The following FGFRL1 variants were observed in gnomAD, a reference collection of about 807,000 sequenced individuals.
FGFRL1 encodes fibroblast growth factor receptor like 1.
A neutral mutation model predicts 36.8 loss-of-function variants in FGFRL1; 24 were observed. That is an observed-to-expected ratio of 0.65 (90% CI 0.47 to 0.92). The LOEUF is 0.92. FGFRL1 is among the 40% of genes least tolerant of loss of function. The pLI is 0.00. For synonymous variants in FGFRL1, 422 were observed against 344.1 expected (o/e 1.23, Z -2.50); for missense variants, 785 against 753.4 (o/e 1.04, Z -0.49).
chr4:1,012,364 G>A (rs1051679602), intron 1 of FGFRL1, 106 bp from the exon 2 acceptor site: 64 of 1,323,170 alleles, frequency 4.8e-5, no homozygotes, highest in Non-Finnish European at 6.4e-5. Flanking sequence ...GGGCGGGGAG[G>A]GCCTGTGGGG....
upstream of FGFRL1, among the ~76,000 whole-genome samples, chr4:1,010,713 T>G (rs1411863932): frequency 6.6e-6 from 1 of 151,924 alleles, no homozygotes; most frequent in Non-Finnish European, 1.5e-5. Context: ...ATGGGGCGGC[T>G]GGAGGTGCGG....
chr4:1,012,028 G>T (rs2153024682), intron 1 of FGFRL1, 74 bp downstream of exon 1: 1 of 146,982 alleles, frequency 6.8e-6, no homozygotes, highest in East Asian at 2.0e-4. Context: ...GGCGGGGGCG[G>T]GGAGGGGCGG....
chr4:1,016,994 C>T (rs56034896), intron 2 of FGFRL1, among the ~76,000 whole-genome samples: 73,675 of 151,912 alleles, frequency 0.48, 18,297 homozygotes, highest in Middle Eastern at 0.65. Context: ...TGTCTCTTCT[C>T]GGTAACCGGG....
chr4:1,012,392 G>A, intron 1 of FGFRL1, 78 bp from the exon 2 acceptor site: 1 of 1,533,644 alleles, frequency 6.5e-7, no homozygotes, highest in Non-Finnish European at 8.7e-7. Flanking sequence ...CCAGACCCCT[G>A]ATCCCCGCGG....
At chr4:1,014,131 A>G (rs1021509166) in intron 2 of FGFRL1, among the ~76,000 whole-genome samples, 2 of 152,236 alleles carry the variant, frequency 1.3e-5, no homozygotes, top group South Asian at 4.1e-4. Flanking sequence ...ACCAGCATGC[A>G]GAGGGCTTGG....
At chr4:1,022,992 C>A (rs1716280865) in intron 3 of FGFRL1, among the ~76,000 whole-genome samples, 1 of 151,748 alleles carries the variant, frequency 6.6e-6, no homozygotes, top group Admixed American at 6.6e-5. Context: ...GGTGGAGCTC[C>A]TGGGAGCTGG....
rs1466895913 is a variant in FGFRL1 at position 1,024,593 on chromosome 4, G to A, written c.1001G>A (p.Gly334Asp). 1.2e-6 allele frequency: 2 copies of A among 1,612,168 alleles called. No homozygotes were observed. The highest frequency in any genetic ancestry group is 1.7e-6 in the Non-Finnish European group (2 of 1,179,780). The change falls in exon 6 of 7, where the codon GGC (glycine) becomes GAC (aspartate). Residue 334 changes from glycine to aspartate, a missense_variant. Gly to Asp is a moderately conservative substitution (Grantham distance 94). Coordinates refer to ENST00000510644, the MANE Select transcript of FGFRL1 (RefSeq NM_001004356.3). ...LITRARQDDAGMYICLGANTM... is the reference protein window; with the variant it reads ...LITRARQDDADMYICLGANTM... ...ACCCGTGCCCGCCAGGACGATGCGG[G>A]CATGTACATCTGCCTTGGCGCCAAC...
In FGFRL1 at chr4:1,023,060, C is replaced by T. The variant is rs558727454; in HGVS notation, c.353-581C>T. 2.0e-5 allele frequency among the ~76,000 whole-genome samples: 3 copies of T among 151,986 alleles called. No individual in the cohort carries two copies. Among genetic ancestry groups the T allele is most frequent in the South Asian group, 2.1e-4 (1 of 4,818 alleles). On this transcript the variant is annotated intron_variant, in intron 3 of 6. Transcript: ENST00000510644. This position sits in a 1 kb window ranked among gnomAD's most constrained non-coding sequence, Gnocchi z 6.0. ...CTTTAAGTTTTAGGGTACATGTGCCCGTTTTCTGAATACAGGAGCCTGGCC... is the reference window on the plus strand; with the variant it reads ...CTTTAAGTTTTAGGGTACATGTGCCTGTTTTCTGAATACAGGAGCCTGGCC...
Position 1,023,188 on chromosome 4 carries a change from C to T in FGFRL1, c.353-453C>T, listed in dbSNP as rs961395426. On this transcript the variant is annotated intron_variant, in intron 3 of 6. Coordinates refer to ENST00000510644, the MANE Select transcript of FGFRL1 (RefSeq NM_001004356.3). This position sits in a 1 kb window ranked among gnomAD's most constrained non-coding sequence, Gnocchi z 6.0. ...TGGATGGAGGGGACATTCCACAGCA[C>T]GCCCTGCCCCTCGGCATTGTGTGGA... 5.9e-5 allele frequency among the ~76,000 whole-genome samples: 9 copies of T among 152,136 alleles called. No homozygotes were observed. The highest frequency in any genetic ancestry group is 5.2e-4 in the Admixed American group (8 of 15,282).
intron 6 of FGFRL1, 21 bp from the exon 7 acceptor site, chr4:1,024,884 C>G: frequency 1.3e-6 from 2 of 1,569,556 alleles, no homozygotes; most frequent in Non-Finnish European, 1.7e-6. Flanking sequence ...CTCCCTACCT[C>G]CTTTCCTCTC....
At chr4:1,018,740 G>A (rs565497290) in intron 2 of FGFRL1, among the ~76,000 whole-genome samples, 7 of 152,210 alleles carry the variant, frequency 4.6e-5, no homozygotes, top group South Asian at 2.1e-4. Flanking sequence ...CATAGGCTGC[G>A]TGGGTTGGAC....
intron 2 of FGFRL1, among the ~76,000 whole-genome samples, chr4:1,013,958 A>C (rs911281429): frequency 6.6e-6 from 1 of 152,252 alleles, no homozygotes; most frequent in African/African-American, 2.4e-5. Context: ...AGCTGGGATC[A>C]AGCTGCTTTC....
intron 5 of FGFRL1, 49 bp from the exon 6 acceptor site, chr4:1,024,262 A>G (rs768355541): frequency 2.6e-6 from 4 of 1,531,652 alleles, no homozygotes; most frequent in Non-Finnish European, 2.6e-6. Flanking sequence ...CTGGCGGGGT[A>G]GAGTCCGGCG....
chr4:1,022,735 G>C (rs897248705), intron 3 of FGFRL1, among the ~76,000 whole-genome samples: 18 of 152,224 alleles, frequency 1.2e-4, no homozygotes, highest in Non-Finnish European at 2.2e-4. Flanking sequence ...GGCGGGAGCC[G>C]AAGGCAGTGG....
chr4:1,016,155 G>A (rs1422762394), intron 2 of FGFRL1, among the ~76,000 whole-genome samples: 1 of 152,246 alleles, frequency 6.6e-6, no homozygotes, highest in African/African-American at 2.4e-5. Flanking sequence ...CCACCTGGGG[G>A]CCAAGAGCCC....
In FGFRL1 at chr4:1,023,496, C is replaced by A; in HGVS notation, c.353-145C>A. 1.3e-6 allele frequency: 1 copy of A among 752,516 alleles called. No homozygotes were observed. Among genetic ancestry groups the A allele is most frequent in the South Asian group, 1.7e-5 (1 of 60,190 alleles). The allele number at this position is 752,516 out of a possible 1,614,324, so 46.6% of individuals were successfully genotyped here. A position where few individuals can be genotyped will look rare whatever the true frequency, so the allele number is the denominator to read the frequency against. On this transcript the variant is annotated intron_variant, in intron 3 of 6. Coordinates refer to ENST00000510644, the MANE Select transcript of FGFRL1 (RefSeq NM_001004356.3). This position sits in a 1 kb window ranked among gnomAD's most constrained non-coding sequence, Gnocchi z 6.0. Reference sequence around the variant, plus strand: ...GCCCAGCTGTCCCTGGGATTCTGGGCTGTGGGTGTGTGGCGCAGCCCCCTG... The same window carrying A: ...GCCCAGCTGTCCCTGGGATTCTGGGATGTGGGTGTGTGGCGCAGCCCCCTG...
rs762050692 is a variant in FGFRL1, at chr4:1,025,371, A to AC, written c.*25dup. ...AGACGGCACCGTATCTGCAGTGGGC[A>AC]CGGGGGGGCCGGCCAGACAGGCAGA... On this transcript the variant is annotated 3_prime_UTR_variant, in exon 7 of 7. Coordinates refer to ENST00000510644, the MANE Select transcript of FGFRL1 (RefSeq NM_001004356.3). 1 of 1,522,788 alleles carries AC rather than the reference A, an allele frequency of 6.6e-7. No individual in the cohort carries two copies. The highest frequency in any genetic ancestry group is 2.0e-5 in the Admixed American group (1 of 49,882). 94.3% of individuals were successfully genotyped at this position (1,522,788 alleles called of 1,614,324 possible).
chr4:1,021,829 A>T (rs1716196808), intron 2 of FGFRL1, among the ~76,000 whole-genome samples: 1 of 152,092 alleles, frequency 6.6e-6, no homozygotes, highest in Non-Finnish European at 1.5e-5. Context: ...TTCCTGTATG[A>T]CCAGAAGGAG....
chr4:1,014,740 G>A (rs1263929630), intron 2 of FGFRL1, among the ~76,000 whole-genome samples: 1 of 152,240 alleles, frequency 6.6e-6, no homozygotes, highest in African/African-American at 2.4e-5. Context: ...TGGCTGGCCC[G>A]TGTGCAGCGG....
Sources: gnomAD v4.1 joint callset for allele counts (sites outside exome capture counted in the v4.1 genomes callset) on GRCh38, gnomAD v4.1.1 for gene constraint, Gnocchi (gnomAD v3.1) non-coding constraint, MANE v1.5 for transcripts, NCBI Gene and HGNC (gene_info 2026-07-23, HGNC 2026-07-21) for gene names.